Variants in WWOX observed in about 807,000 individuals in gnomAD.
The protein encoded by WWOX is WW domain-containing oxidoreductase.
In WWOX, 69 loss-of-function variants were observed where a neutral mutation model predicts 46.2. The observed-to-expected ratio is 1.49, with a 90% confidence interval of 1.23 to 1.82. WWOX has a LOEUF of 1.82. Ranked by LOEUF, WWOX falls within the 40% of genes most tolerant of loss-of-function variation. The pLI is 0.00. For synonymous variants in WWOX, 359 were observed against 202.6 expected, an observed-to-expected ratio of 1.77 and a Z score of -6.56; for missense variants, 919 against 542.6, an observed-to-expected ratio of 1.69 and a Z score of -6.89.
chr16:78,421,518 C>G (rs140161800), intron 6 of WWOX, among the ~76,000 whole-genome samples: 1 of 152,128 alleles, frequency 6.6e-6, no homozygotes, highest in African/African-American at 2.4e-5. Context: ...TGCGAAGACC[C>G]TTTTTCCAAA....
chr16:78,252,645 C>T (rs1597403929), intron 5 of WWOX, among the ~76,000 whole-genome samples: 1 of 152,116 alleles, frequency 6.6e-6, no homozygotes, highest in African/African-American at 2.4e-5. Context: ...TACATCTTAC[C>T]AGCGATTAAT....
intron 8 of WWOX, among the ~76,000 whole-genome samples, chr16:78,608,323 C>G (rs1336490678): frequency 6.6e-6 from 1 of 152,160 alleles, no homozygotes; most frequent in Non-Finnish European, 1.5e-5. Flanking sequence ...GAGGTCTATC[C>G]TGTTTTGCTT....
chr16:78,542,529 G>T (rs1040034340), intron 8 of WWOX, among the ~76,000 whole-genome samples: 1 of 152,160 alleles, frequency 6.6e-6, no homozygotes, highest in Non-Finnish European at 1.5e-5. Flanking sequence ...GTCAGGGAAT[G>T]AAAACTATGC....
intron 5 of WWOX, among the ~76,000 whole-genome samples, chr16:78,373,659 G>A (rs543983739): frequency 3.3e-5 from 5 of 151,206 alleles, no homozygotes; most frequent in African/African-American, 9.7e-5. Context: ...TTCTAGTCTT[G>A]GTTTCTGCCT....
chr16:78,242,016 C>CT (rs1184981421), intron 5 of WWOX, among the ~76,000 whole-genome samples: 1 of 152,194 alleles, frequency 6.6e-6, no homozygotes, highest in Non-Finnish European at 1.5e-5. Context: ...AATGGAATGC[C>CT]TGTCATTGTT....
At chr16:79,139,379 C>G (rs774175609) in intron 8 of WWOX, among the ~76,000 whole-genome samples, 2 of 152,166 alleles carry the variant, frequency 1.3e-5, no homozygotes, top group African/African-American at 2.4e-5. Flanking sequence ...CTTGGTTTTG[C>G]TTAAACTGCC....
intron 8 of WWOX, chr16:79,196,459 C>T (rs911730278): frequency 6.6e-6 from 1 of 152,068 alleles, no homozygotes; most frequent in Non-Finnish European, 1.5e-5. Flanking sequence ...CTGGAGGCCC[C>T]AGGGTTATCT....
chr16:79,159,601 G>A (rs1452351344), intron 8 of WWOX, among the ~76,000 whole-genome samples: 1 of 152,188 alleles, frequency 6.6e-6, no homozygotes, highest in Non-Finnish European at 1.5e-5. Flanking sequence ...GAGGCTCAGG[G>A]TAGCTGATGA....
chr16:78,100,072 G>A, intron 1 of WWOX, 187 bp downstream of exon 1: 1 of 1,392,200 alleles, frequency 7.2e-7, no homozygotes, highest in Non-Finnish European at 9.3e-7. Flanking sequence ...GTGGGCCTCG[G>A]GTCCAGCGGG....
At chr16:79,195,094 G>T (rs987370518) in intron 8 of WWOX, among the ~76,000 whole-genome samples, 2 of 152,084 alleles carry the variant, frequency 1.3e-5, no homozygotes, top group Non-Finnish European at 2.9e-5. Context: ...GAGCATACCC[G>T]TATCTCAGAT....
At position 79,143,853 on chromosome 16, in the gene WWOX, G is replaced by A. The variant is rs529371874; in HGVS notation, c.1057-67755G>A. Among the ~76,000 whole-genome samples, 7 of 152,244 alleles carry A rather than the reference G, an allele frequency of 4.6e-5. No individual in the cohort carries two copies. The South Asian group carries it at 1.2e-3, about 27-fold the overall frequency. On this transcript the variant is annotated intron_variant, in intron 8 of 8. Coordinates refer to ENST00000566780, the MANE Select transcript of WWOX (RefSeq NM_016373.4). ...AGTCTCGATCTGCTGATATGAAGCC[G>A]ATGCAGCTAGCCACCATGTTATACC...
intron 8 of WWOX, among the ~76,000 whole-genome samples, chr16:78,730,064 T>C (rs1489324068): frequency 6.6e-6 from 1 of 152,188 alleles, no homozygotes; most frequent in Non-Finnish European, 1.5e-5. Flanking sequence ...ATCCATTTTT[T>C]AGTTGTGTAC....
intron 8 of WWOX, among the ~76,000 whole-genome samples, chr16:78,689,466 C>T (rs8055072): frequency 0.018 from 2,678 of 152,292 alleles, 84 homozygotes; most frequent in African/African-American, 0.061. Context: ...CTCCTCAGAG[C>T]CCACTTCTCA....
intron 8 of WWOX, among the ~76,000 whole-genome samples, chr16:79,102,885 G>T (rs969733817): frequency 2.6e-5 from 4 of 151,352 alleles, no homozygotes; most frequent in African/African-American, 9.8e-5. Context: ...TGTGTACTTG[G>T]GCACGCACAT....
chr16:78,718,409 T>C (rs2048617738), intron 8 of WWOX, among the ~76,000 whole-genome samples: 1 of 152,218 alleles, frequency 6.6e-6, no homozygotes, highest in Admixed American at 6.5e-5. Flanking sequence ...GTTAAATAAA[T>C]TTAATGTTTT....
intron 5 of WWOX, among the ~76,000 whole-genome samples, chr16:78,330,629 T>A (rs12933949): frequency 0.11 from 16,392 of 152,270 alleles, 1,023 homozygotes; most frequent in East Asian, 0.14. Context: ...TCTTTTGACC[T>A]CGTGATCCGC....
chr16:78,589,616 T>A (rs956518538), intron 8 of WWOX, among the ~76,000 whole-genome samples: 1 of 152,186 alleles, frequency 6.6e-6, no homozygotes, highest in Non-Finnish European at 1.5e-5. Flanking sequence ...AGTGGTTGCT[T>A]AAGCAAGTAG....
rs1372876841 is a variant in WWOX, at chr16:78,899,415, A to T, written c.1057-312193A>T. The stretch of plus-strand genomic sequence containing the variant: ...TCCTAGAAACCTGGCCTGTTTATTT[A>T]CCCCGTATGTCACTTTCCTTTATCT... On this transcript the variant is annotated intron_variant, in intron 8 of 8. Transcript: ENST00000566780. 5 of 152,166 alleles carry T rather than the reference A, an allele frequency of 3.3e-5. No individual in the cohort carries two copies. In the East Asian group the frequency reaches 9.6e-4, roughly 29 times the overall value. 9.4% of individuals were successfully genotyped at this position (152,166 alleles called of 1,614,324 possible).
intron 5 of WWOX, chr16:78,355,864 G>A (rs2081274540): frequency 1.7e-6 from 1 of 586,436 alleles, no homozygotes; most frequent in Admixed American, 2.1e-5. Flanking sequence ...ACGGAAAACA[G>A]GAGACTTTGT....
Sources: allele counts gnomAD v4.1 joint callset (sites outside exome capture counted in the v4.1 genomes callset), GRCh38; gene constraint gnomAD v4.1.1; transcripts MANE v1.5; gene names NCBI Gene and HGNC (gene_info 2026-07-23, HGNC 2026-07-21).